FSD1L: variants seen among roughly 807,000 people sequenced by gnomAD.
The protein encoded by FSD1L is fibronectin type III and SPRY domain containing 1 like.
Under a neutral mutation model 71.6 loss-of-function variants are expected in FSD1L, and 45 were observed. The ratio of observed to expected loss-of-function variants is 0.63; its 90% CI spans 0.49 to 0.81. The LOEUF (loss-of-function observed/expected upper bound fraction) is 0.81, where lower values mean the gene tolerates loss of function less well. Ranked by LOEUF, FSD1L falls within the 30% of genes least tolerant of loss-of-function variation. The pLI is 0.00. For synonymous variants in FSD1L, 197 were observed against 207.2 expected, an observed-to-expected ratio of 0.95 and a Z score of 0.42; for missense variants, 561 against 618.1, an observed-to-expected ratio of 0.91 and a Z score of 0.98.
chr9:105,460,827 G>T (rs909114668), intron 1 of FSD1L, among the ~76,000 whole-genome samples: 1 of 152,080 alleles, frequency 6.6e-6, no homozygotes, highest in South Asian at 2.1e-4. Context: ...ATGAGTGAAC[G>T]GTGTAAATTT....
At chr9:105,471,802 T>A (rs1022212337) in intron 4 of FSD1L, 102 bp from the exon 5 acceptor site, 9 of 435,644 alleles carry the variant, frequency 2.1e-5, no homozygotes, top group Non-Finnish European at 3.6e-5. Flanking sequence ...ATTATTGCTA[T>A]TAAAATTATT....
At chr9:105,534,677 GCCTGTAT>G in intron 11 of FSD1L, 84 bp downstream of exon 11, 1 of 762,214 alleles carries the variant, frequency 1.3e-6, no homozygotes, top group Non-Finnish European at 2.1e-6. Flanking sequence ...CAAAGTGACT[GCCTGTAT>G]ATTGAATAAA....
At chr9:105,546,213 C>A in intron 13 of FSD1L, 145 bp from the exon 14 acceptor site, 1 of 696,518 alleles carries the variant, frequency 1.4e-6, no homozygotes, top group Non-Finnish European at 2.2e-6. Context: ...CTTTCCATTT[C>A]CCCTCAGCTG....
At chr9:105,447,872 C>T (rs1829712122), upstream of FSD1L, 1 of 413,456 alleles carries the variant, frequency 2.4e-6, no homozygotes, top group Non-Finnish European at 4.3e-6. Context: ...AGACCGCTAT[C>T]GCTGGAGGAA....
At chr9:105,496,932 C>T (rs1833451176) in intron 7 of FSD1L, among the ~76,000 whole-genome samples, 1 of 152,186 alleles carries the variant, frequency 6.6e-6, no homozygotes, top group Non-Finnish European at 1.5e-5. Context: ...GGGATCCTTG[C>T]CTTGTTCCTG....
At chr9:105,485,543 T>G (rs1025406430) in intron 7 of FSD1L, among the ~76,000 whole-genome samples, 6 of 150,158 alleles carry the variant, frequency 4.0e-5, no homozygotes, top group Non-Finnish European at 8.9e-5. Context: ...GTTTTTTTTT[T>G]TTTTTTTTTT....
chr9:105,522,012 C>T, intron 10 of FSD1L: 1 of 1,613,210 alleles, frequency 6.2e-7, no homozygotes, highest in Non-Finnish European at 8.5e-7. Flanking sequence ...GCTTGTGTTG[C>T]TCAGAGTCAC....
At chr9:105,458,462 G>T (rs1164861231) in intron 1 of FSD1L, among the ~76,000 whole-genome samples, 1 of 152,168 alleles carries the variant, frequency 6.6e-6, no homozygotes, top group Non-Finnish European at 1.5e-5. Flanking sequence ...GGTGAGCAAG[G>T]CAGTGGAGAG....
At position 105,495,647 on chromosome 9, in the gene FSD1L, C is replaced by T. The variant is rs529001647; in HGVS notation, c.587-10752C>T. Among the ~76,000 whole-genome samples, 46 of 152,302 alleles carry T rather than the reference C, an allele frequency of 3.0e-4. 1 individual carries two copies. The South Asian group carries it at 9.3e-3, about 31-fold the overall frequency. On this transcript the variant is annotated intron_variant, in intron 7 of 13. Coordinates refer to ENST00000481272, the MANE Select transcript of FSD1L (RefSeq NM_001145313.3). ...TGTTCCTATTCGGCCATCTTGGCTCCAGCTCGGGTTGTTTCTTTTCTTATT... is the reference window on the plus strand; with the variant it reads ...TGTTCCTATTCGGCCATCTTGGCTCTAGCTCGGGTTGTTTCTTTTCTTATT...
intron 1 of FSD1L, among the ~76,000 whole-genome samples, chr9:105,459,154 A>G (rs1372824147): frequency 6.6e-6 from 1 of 152,156 alleles, no homozygotes; most frequent in African/African-American, 2.4e-5. Flanking sequence ...CTTGACTCCT[A>G]CCACCATAGA....
chr9:105,487,373 G>A (rs891168623), intron 7 of FSD1L, among the ~76,000 whole-genome samples: 3 of 151,266 alleles, frequency 2.0e-5, no homozygotes, highest in African/African-American at 2.4e-5. Flanking sequence ...ATATGTACTG[G>A]AAAATATTTG....
At chr9:105,453,709 T>C (rs549116939) in intron 1 of FSD1L, among the ~76,000 whole-genome samples, 1 of 152,164 alleles carries the variant, frequency 6.6e-6, no homozygotes, top group African/African-American at 2.4e-5. Flanking sequence ...ATTAGAAAGA[T>C]AGTGAAGCAG....
chr9:105,534,725 C>T, intron 11 of FSD1L, 132 bp downstream of exon 11: 1 of 615,084 alleles, frequency 1.6e-6, no homozygotes. Flanking sequence ...CAATTGAAGC[C>T]TAATTACTTT....
chr9:105,448,064 GGC>G lies in FSD1L; in HGVS notation c.-149_-148del. On this transcript the variant is annotated 5_prime_UTR_variant, in exon 1 of 14. Coordinates refer to ENST00000481272, the MANE Select transcript of FSD1L (RefSeq NM_001145313.3). ...ACCCTGGCAACCGCGGCGTGACTAC[GGC>G]GCGCGCGGTCTGGGCGCGGACGGGT... 1 of 802,110 alleles carries G rather than the reference GGC, an allele frequency of 1.2e-6. No homozygotes were observed. Among genetic ancestry groups the G allele is most frequent in the African/African-American group, 1.8e-5 (1 of 54,744 alleles). 49.7% of individuals were successfully genotyped at this position (802,110 alleles called of 1,614,324 possible). A position where few individuals can be genotyped will look rare whatever the true frequency, so the allele number is the denominator to read the frequency against.
chr9:105,524,704 C>T, intron 10 of FSD1L: 1 of 1,613,938 alleles, frequency 6.2e-7, no homozygotes, highest in Non-Finnish European at 8.5e-7. Flanking sequence ...TCAGAACGAT[C>T]TTCTAAACTC....
At chr9:105,488,887 C>T (rs1353173188) in intron 7 of FSD1L, among the ~76,000 whole-genome samples, 1 of 141,692 alleles carries the variant, frequency 7.1e-6, no homozygotes, top group East Asian at 2.0e-4. Context: ...AAATCAAGTT[C>T]TTCATAAGTA....
At chr9:105,452,719 T>TTCCTTCC (rs1830115702) in intron 1 of FSD1L, among the ~76,000 whole-genome samples, 2 of 80,898 alleles carry the variant, frequency 2.5e-5, no homozygotes, top group Non-Finnish European at 2.5e-5. Context: ...TCCTTCCTTC[T>TTCCTTCC]TTCCTTCTTT....
chr9:105,527,489 T>C (rs978394067), intron 10 of FSD1L, among the ~76,000 whole-genome samples: 21 of 152,250 alleles, frequency 1.4e-4, no homozygotes, highest in Middle Eastern at 3.4e-3. Flanking sequence ...CCTCTAGAAG[T>C]ATTTTCTTAC....
intron 12 of FSD1L, among the ~76,000 whole-genome samples, chr9:105,536,885 G>A (rs1466733272): frequency 6.6e-6 from 1 of 152,046 alleles, no homozygotes; most frequent in African/African-American, 2.4e-5. Context: ...GATCCACCTG[G>A]CTGGGCCTCC....
Sources: allele counts gnomAD v4.1 joint callset (sites outside exome capture counted in the v4.1 genomes callset), GRCh38; gene constraint gnomAD v4.1.1; transcripts MANE v1.5; gene names NCBI Gene and HGNC (gene_info 2026-07-23, HGNC 2026-07-21).